Variants in BICRA observed in about 807,000 individuals in gnomAD.
BICRA encodes the protein BRD4-interacting chromatin-remodeling complex-associated protein.
In BICRA, 31 loss-of-function variants were observed where a neutral mutation model predicts 96.9. That is an observed-to-expected ratio of 0.32 (90% CI 0.24 to 0.43). The LOEUF (loss-of-function observed/expected upper bound fraction) is 0.43. BICRA is among the 20% of genes least tolerant of loss of function. The probability of loss-of-function intolerance (pLI) is 1.00; values close to 1 mark genes in which losing one functional copy is unlikely to be tolerated. For missense variants in BICRA, 2,283 were observed against 2,190.3 expected (o/e 1.04, Z -0.84); for synonymous variants, 1,350 against 1,071.8 (o/e 1.26, Z -5.07).
intron 2 of BICRA, 144 bp from the exon 3 acceptor site, chr19:47,673,425 TC>T: frequency 1.5e-6 from 1 of 680,514 alleles, no homozygotes; most frequent in Admixed American, 2.5e-5. Flanking sequence ...TGGGAGGTAT[TC>T]CTTGTCCCCA....
intron 1 of BICRA, among the ~76,000 whole-genome samples, chr19:47,646,809 C>G (rs767501959): frequency 1.3e-5 from 2 of 152,172 alleles, no homozygotes; most frequent in Non-Finnish European, 2.9e-5. Flanking sequence ...ATATAATTCA[C>G]ATACCATACA....
rs773109431 is a variant in BICRA, at chr19:47,701,300, G to A, written c.3596-28G>A. 13 of 1,574,348 alleles carry A rather than the reference G, an allele frequency of 8.3e-6. No individual in the cohort carries two copies. The Admixed American group carries it at 2.0e-4, about 24-fold the overall frequency. ...GTCGGGGGGTCCTCATCCTAACCCC[G>A]CGGGTTTTCTTTGCCCCGATTCTGC... On this transcript the variant is annotated intron_variant, in intron 14 of 14. Transcript: ENST00000594866. This position sits in a 1 kb window ranked among gnomAD's most constrained non-coding sequence, Gnocchi z 5.4.
At chr19:47,618,893 G>C (rs1175803301) in intron 1 of BICRA, among the ~76,000 whole-genome samples, 2 of 152,194 alleles carry the variant, frequency 1.3e-5, no homozygotes, top group Non-Finnish European at 2.9e-5. Flanking sequence ...CCAGAGGCTG[G>C]ATGCCAACTC....
intron 2 of BICRA, among the ~76,000 whole-genome samples, chr19:47,673,181 C>A (rs1972891552): frequency 6.6e-6 from 1 of 152,120 alleles, no homozygotes; most frequent in South Asian, 2.1e-4. Context: ...CTGCTGCCTG[C>A]TTGCTGGGAG....
chr19:47,622,049 C>T (rs933836301), intron 1 of BICRA, among the ~76,000 whole-genome samples: 4 of 151,964 alleles, frequency 2.6e-5, no homozygotes, highest in Non-Finnish European at 4.4e-5. Context: ...CCACTGCAAC[C>T]TCTACCTCCC....
At chr19:47,616,442 G>A (rs1413773482) in intron 1 of BICRA, among the ~76,000 whole-genome samples, 1 of 152,106 alleles carries the variant, frequency 6.6e-6, no homozygotes, top group African/African-American at 2.4e-5. Flanking sequence ...TTCGAGACCA[G>A]CCTGGCCAAC....
intron 1 of BICRA, among the ~76,000 whole-genome samples, chr19:47,654,918 T>C (rs2123553555): frequency 6.6e-6 from 1 of 152,254 alleles, no homozygotes. Flanking sequence ...GGTGAATGCG[T>C]CTTGATCTTA....
chr19:47,656,615 A>G (rs1315177160), intron 1 of BICRA, among the ~76,000 whole-genome samples: 1 of 152,160 alleles, frequency 6.6e-6, no homozygotes, highest in Non-Finnish European at 1.5e-5. Context: ...TTTTTTCTAC[A>G]TGCTAGGGGT....
chr19:47,699,073 C>T lies in BICRA; in HGVS notation c.3492+14C>T, dbSNP rs373076128. ...GAGGAGTCCCGGGTAGGGTCAGAGT[C>T]GCCTTCCTCGCCTCTGGGCTCCTCC... On this transcript the variant is annotated intron_variant, in intron 13 of 14. Coordinates refer to ENST00000594866, the MANE Select transcript of BICRA (RefSeq NM_001394372.1). The surrounding 1 kb of genome is among the most constrained non-coding windows in gnomAD (Gnocchi z 5.0). The T allele has an allele frequency of 7.4e-5, 109 of 1,480,140 alleles. No homozygotes were observed. Among genetic ancestry groups the T allele is most frequent in the Non-Finnish European group, 9.2e-5 (100 of 1,082,620 alleles). The allele number at this position is 1,480,140 out of a possible 1,614,324, so 91.7% of individuals were successfully genotyped here.
chr19:47,680,971 G>T lies in BICRA; in HGVS notation c.1801G>T (p.Gly601Cys). The change falls in exon 6 of 15, where the codon GGC becomes TGC. Residue 601 changes from glycine (G) to cysteine (C), a missense_variant. Gly to Cys is a radical substitution (Grantham distance 159). Transcript: ENST00000594866. ...SAVAMLNTPDGLVQPATPAAA... is the reference protein window; with the variant it reads ...SAVAMLNTPDCLVQPATPAAA... ...CGTGGCCATGCTCAACACCCCCGAC[G>T]GCCTGGTGCAGCCGGCCACCCCTGC... is the stretch of plus-strand genomic sequence containing the variant. 1 of 1,470,572 alleles carries T rather than the reference G, an allele frequency of 6.8e-7. No individual in the cohort carries two copies. Among genetic ancestry groups the T allele is most frequent in the Non-Finnish European group, 8.9e-7 (1 of 1,120,900 alleles). The allele number at this position is 1,470,572 out of a possible 1,614,324, so 91.1% of individuals were successfully genotyped here.
In BICRA at chr19:47,702,725, G is replaced by C. The variant is rs1263279594; in HGVS notation, c.*310G>C. 5 of 401,618 alleles carry C rather than the reference G, an allele frequency of 1.2e-5. No homozygotes were observed. Among genetic ancestry groups the C allele is most frequent in the Non-Finnish European group, 2.2e-5 (5 of 226,078 alleles). 24.9% of individuals were successfully genotyped at this position (401,618 alleles called of 1,614,324 possible). A position where few individuals can be genotyped will look rare whatever the true frequency, so the allele number is the denominator to read the frequency against. On this transcript the variant is annotated 3_prime_UTR_variant, in exon 15 of 15. Coordinates refer to ENST00000594866, the MANE Select transcript of BICRA (RefSeq NM_001394372.1). ...CTGCCCCTCTGTCCGGGGGACACGC[G>C]CATGTGTTTGCCAGGGATGGGGCCA...
Position 47,698,890 on chromosome 19 carries a change from T to A in BICRA, c.3398-75T>A. The A allele has an allele frequency of 7.3e-7, 1 of 1,365,256 alleles. No individual in the cohort carries two copies. The highest frequency in any genetic ancestry group is 1.0e-6 in the Non-Finnish European group (1 of 977,302). The allele number at this position is 1,365,256 out of a possible 1,614,324, so 84.6% of individuals were successfully genotyped here. A position where few individuals can be genotyped will look rare whatever the true frequency, so the allele number is the denominator to read the frequency against. ...GGTCCACGGTGCGCTATGCTGACCC[T>A]GCCCCGCCCTCCTTCCTGCGCATCC... On this transcript the variant is annotated intron_variant, in intron 12 of 14. Coordinates refer to ENST00000594866, the MANE Select transcript of BICRA (RefSeq NM_001394372.1). This position sits in a 1 kb window ranked among gnomAD's most constrained non-coding sequence, Gnocchi z 4.8.
chr19:47,680,041 A>G lies in BICRA; in HGVS notation c.871A>G (p.Lys291Glu). The G allele has an allele frequency of 1.3e-6, 2 of 1,552,710 alleles. No individual in the cohort carries two copies. Among genetic ancestry groups the G allele is most frequent in the Non-Finnish European group, 1.7e-6 (2 of 1,160,294 alleles). The change falls in exon 6 of 15, where the codon AAG (lysine) becomes GAG (glutamate). Residue 291 changes from lysine (K) to glutamate (E), a missense_variant. By Grantham distance (56) the Lys-to-Glu change is moderately conservative (BLOSUM62 1). Coordinates refer to ENST00000594866, the MANE Select transcript of BICRA (RefSeq NM_001394372.1). ...ACAGGGGGCTGGCCTGGTCATCCAG[A>G]AGAACCTCTCGGCCGCTGTGGCCAC... is the stretch of plus-strand genomic sequence containing the variant. ...SPQGAGLVIQ[K>E]NLSAAVATTL...
At chr19:47,693,987 C>T in intron 7 of BICRA, 128 bp from the exon 8 acceptor site, 1 of 1,154,468 alleles carries the variant, frequency 8.7e-7, no homozygotes, top group Non-Finnish European at 1.2e-6. Flanking sequence ...GCTCCTCTCT[C>T]AGGATGGGTG....
At chr19:47,631,835 G>C (rs573634406) in intron 1 of BICRA, among the ~76,000 whole-genome samples, 1 of 152,098 alleles carries the variant, frequency 6.6e-6, no homozygotes, top group Non-Finnish European at 1.5e-5. Flanking sequence ...GCTTAGTAGA[G>C]ACGGGGTTTC....
chr19:47,632,968 C>G (rs1972242791), intron 1 of BICRA, among the ~76,000 whole-genome samples: 1 of 151,912 alleles, frequency 6.6e-6, no homozygotes, highest in African/African-American at 2.4e-5. Flanking sequence ...GATGATAGCA[C>G]CAAAGAGTTC....
Position 47,702,126 on chromosome 19 carries a change from A to G in BICRA, c.4394A>G (p.Glu1465Gly). 1.3e-6 allele frequency: 2 copies of G among 1,530,318 alleles called. No individual in the cohort carries two copies. Among genetic ancestry groups the G allele is most frequent in the Non-Finnish European group, 1.7e-6 (2 of 1,146,208 alleles). The allele number at this position is 1,530,318 out of a possible 1,614,324, so 94.8% of individuals were successfully genotyped here. ...CAAGGCACCGGGGACCCCGACTGGG[A>G]GGCGCCCGGGCTGCCCCCTGCCAAG... Reference protein sequence around the residue: ...AAQGTGDPDWEAPGLPPAKRR... With the variant: ...AAQGTGDPDWGAPGLPPAKRR... The change falls in exon 15 of 15, where the codon GAG (glutamate) becomes GGG (glycine). Residue 1465 changes from glutamate to glycine, a missense_variant. By Grantham distance (98) the Glu-to-Gly change is moderately conservative. Coordinates refer to ENST00000594866, the MANE Select transcript of BICRA (RefSeq NM_001394372.1).
intron 10 of BICRA, 33 bp downstream of exon 10, chr19:47,695,507 G>C (rs888178007): frequency 2.9e-6 from 3 of 1,020,764 alleles, no homozygotes; most frequent in Non-Finnish European, 3.0e-6. Flanking sequence ...GTCAGGACAG[G>C]ACCAGGAGTC....
chr19:47,702,483 C>T lies in BICRA; in HGVS notation c.*68C>T. 7.1e-7 allele frequency: 1 copy of T among 1,402,430 alleles called. No individual in the cohort carries two copies. The highest frequency in any genetic ancestry group is 9.2e-7 in the Non-Finnish European group (1 of 1,086,932). The allele number at this position is 1,402,430 out of a possible 1,614,324, so 86.9% of individuals were successfully genotyped here. A position where few individuals can be genotyped will look rare whatever the true frequency, so the allele number is the denominator to read the frequency against. On this transcript the variant is annotated 3_prime_UTR_variant, in exon 15 of 15. Coordinates refer to ENST00000594866, the MANE Select transcript of BICRA (RefSeq NM_001394372.1). The stretch of plus-strand genomic sequence containing the variant: ...GCCGGGACAGTCGGGTGTCCGCCCT[C>T]AGCCTCCTGGGGACTCGAGCCGGGG...
Sources: allele counts gnomAD v4.1 joint callset (sites outside exome capture counted in the v4.1 genomes callset), GRCh38; gene constraint gnomAD v4.1.1; non-coding constraint Gnocchi (gnomAD v3.1); transcripts MANE v1.5; gene names NCBI Gene and HGNC (gene_info 2026-07-23, HGNC 2026-07-21).